Variants in RAB5C observed in about 807,000 individuals in gnomAD.
The protein encoded by RAB5C is RAB5C, member RAS oncogene family.
A neutral mutation model predicts 25.2 loss-of-function variants in RAB5C; 4 were observed. The ratio of observed to expected loss-of-function variants is 0.16; its 90% CI spans 0.08 to 0.36. The LOEUF (loss-of-function observed/expected upper bound fraction) is 0.36, where lower values mean the gene tolerates loss of function less well. RAB5C is among the 10% of genes least tolerant of loss of function. RAB5C has a pLI of 1.00. For missense variants in RAB5C, 199 were observed against 283.8 expected (o/e 0.70, Z 2.15); for synonymous variants, 100 against 106.4 (o/e 0.94, Z 0.37).
chr17:42,137,238 A>G (rs891719259), intron 1 of RAB5C, among the ~76,000 whole-genome samples: 5 of 151,846 alleles, frequency 3.3e-5, no homozygotes, highest in African/African-American at 1.2e-4. Context: ...CCCAGGAGAC[A>G]GAGGTTGTGG....
chr17:42,154,491 G>A lies in RAB5C; in HGVS notation c.-89+402C>T, dbSNP rs1454337600. On this transcript the variant is annotated intron_variant, in intron 1 of 5. Coordinates refer to ENST00000346213, the MANE Select transcript of RAB5C (RefSeq NM_004583.4). ...TCGAGATATTCCTCTAGGGCTAGAG[G>A]GGACAACTGGTTTTGTGGGACAGGA... is the stretch of plus-strand genomic sequence containing the variant. 3.3e-5 allele frequency: 5 copies of A among 152,266 alleles called. No homozygotes were observed. The East Asian group carries it at 5.8e-4, about 18-fold the overall frequency. The allele number at this position is 152,266 out of a possible 1,614,324, so 9.4% of individuals were successfully genotyped here.
Position 42,128,275 on chromosome 17 carries a change from C to T in RAB5C, c.427G>A (p.Ala143Thr). The stretch of plus-strand genomic sequence containing the variant: ...CATCTCCCCACCTGGAATTCCACGG[C>T]TCTCTTGCTGGCCAGGTCTGCCTTG... ...GNKADLASKR[A>T]VEFQEAQAYA... Residue 143 changes from alanine (A) to threonine (T), a missense_variant, in exon 4 of 6, where the codon GCC (alanine) becomes ACC (threonine). This residue lies in a region of RAB5C where 154 missense variants were observed against 199.6 expected (regional missense o/e 0.77). Transcript: ENST00000346213. The T allele has an allele frequency of 6.2e-7, 1 of 1,613,602 alleles. No homozygotes were observed.
intron 1 of RAB5C, among the ~76,000 whole-genome samples, chr17:42,145,117 G>A (rs1248156474): frequency 1.3e-5 from 2 of 151,908 alleles, no homozygotes; most frequent in Non-Finnish European, 2.9e-5. Flanking sequence ...AGCTTGCAGT[G>A]AGCCGAGATT....
intron 1 of RAB5C, among the ~76,000 whole-genome samples, chr17:42,145,949 G>A (rs141151446): frequency 1.6e-3 from 249 of 152,234 alleles, no homozygotes; most frequent in African/African-American, 5.8e-3. Flanking sequence ...TGAGATTACA[G>A]GTGCGTACCA....
chr17:42,126,800 A>T lies in RAB5C; in HGVS notation c.490T>A (p.Ser164Thr). ...DDNSLLFMET[S>T]AKTAMNVNEI... ...TTCACGTTCATTGCAGTCTTTGCTG[A>T]TGTCTCCATGAACAGCAAACTGTTG... is the stretch of plus-strand genomic sequence containing the variant. Residue 164 changes from serine (S) to threonine (T), a missense_variant, in exon 5 of 6, where the codon TCA (serine) becomes ACA (threonine). Coordinates refer to ENST00000346213, the MANE Select transcript of RAB5C (RefSeq NM_004583.4). 6.2e-7 allele frequency: 1 copy of T among 1,613,652 alleles called. No individual in the cohort carries two copies. Among genetic ancestry groups the T allele is most frequent in the Non-Finnish European group, 8.5e-7 (1 of 1,179,642 alleles).
chr17:42,130,775 C>T (rs999913996), intron 1 of RAB5C, among the ~76,000 whole-genome samples, 185 bp from the exon 2 acceptor site: 6 of 151,546 alleles, frequency 4.0e-5, no homozygotes, highest in Admixed American at 2.0e-4. Context: ...AGATGTCTAC[C>T]GGCTCTACCA....
chr17:42,141,046 C>G (rs901905218), intron 1 of RAB5C, among the ~76,000 whole-genome samples: 4 of 152,174 alleles, frequency 2.6e-5, no homozygotes, highest in Non-Finnish European at 1.5e-5. Context: ...CCAGGCTGAT[C>G]TCAGACTCCT....
At chr17:42,139,344 C>T (rs970496470) in intron 1 of RAB5C, among the ~76,000 whole-genome samples, 5 of 152,228 alleles carry the variant, frequency 3.3e-5, no homozygotes, top group Admixed American at 6.5e-5. Context: ...CAAGGCTCTC[C>T]GCCAGCCTAC....
At chr17:42,150,186 C>T (rs183745251) in intron 1 of RAB5C, among the ~76,000 whole-genome samples, 7 of 152,092 alleles carry the variant, frequency 4.6e-5, no homozygotes, top group Admixed American at 4.6e-4. Flanking sequence ...CACCTGGCCC[C>T]CAAGCTGGTC....
Position 42,124,994 on chromosome 17 carries a change from G to A in RAB5C, c.*789C>T, listed in dbSNP as rs981140307. On this transcript the variant is annotated 3_prime_UTR_variant, in exon 6 of 6. Transcript: ENST00000346213. The stretch of plus-strand genomic sequence containing the variant: ...AAGACAATTGTGAGGTCGATCGATC[G>A]GCTGACTATATTGACAAGATACTGA... 2.6e-5 allele frequency: 4 copies of A among 152,712 alleles called. No homozygotes were observed. The highest frequency in any genetic ancestry group is 7.2e-5 in the African/African-American group (3 of 41,422). The allele number at this position is 152,712 out of a possible 1,614,324, so 9.5% of individuals were successfully genotyped here. A position where few individuals can be genotyped will look rare whatever the true frequency, so the allele number is the denominator to read the frequency against.
rs765509707 is a variant in RAB5C at position 42,128,835 on chromosome 17, G to A, written c.167-35C>T. 66 of 1,426,360 alleles carry A rather than the reference G, an allele frequency of 4.6e-5. No individual in the cohort carries two copies. The South Asian group carries it at 9.3e-4, about 20-fold the overall frequency. 88.4% of individuals were successfully genotyped at this position (1,426,360 alleles called of 1,614,324 possible). A position where few individuals can be genotyped will look rare whatever the true frequency, so the allele number is the denominator to read the frequency against. On this transcript the variant is annotated intron_variant, in intron 2 of 5. Coordinates refer to ENST00000346213, the MANE Select transcript of RAB5C (RefSeq NM_004583.4). ...AGAAGGAGCGTCCATGGGCAAGAGCGAGTTGGAATCCACCCCACACAATCC... is the reference window on the plus strand; with the variant it reads ...AGAAGGAGCGTCCATGGGCAAGAGCAAGTTGGAATCCACCCCACACAATCC...
chr17:42,147,717 C>A (rs956507582), intron 1 of RAB5C, among the ~76,000 whole-genome samples: 4 of 152,186 alleles, frequency 2.6e-5, no homozygotes, highest in Non-Finnish European at 5.9e-5. Flanking sequence ...ATGGCTCAAG[C>A]TGTGGGATCA....
intron 3 of RAB5C, 83 bp downstream of exon 3, chr17:42,128,566 C>A: frequency 9.7e-7 from 1 of 1,032,904 alleles, no homozygotes; most frequent in Non-Finnish European, 1.3e-6. Flanking sequence ...GGTTAAGCGG[C>A]CTGAAATCAG....
intron 1 of RAB5C, among the ~76,000 whole-genome samples, chr17:42,143,076 G>A (rs1050949477): frequency 6.6e-6 from 1 of 152,212 alleles, no homozygotes; most frequent in Non-Finnish European, 1.5e-5. Flanking sequence ...AGGGGTAAGA[G>A]CAGTATGAAT....
intron 1 of RAB5C, among the ~76,000 whole-genome samples, chr17:42,147,118 AAG>A (rs1327447995): frequency 6.7e-6 from 1 of 150,132 alleles, no homozygotes; most frequent in African/African-American, 2.5e-5. Flanking sequence ...GAAAGAAAGA[AAG>A]AAACAGAAAG....
rs1040521454 is a variant in RAB5C, at chr17:42,128,144, A to G, written c.441+117T>C. The G allele has an allele frequency of 3.5e-6, 5 of 1,421,606 alleles. No homozygotes were observed. In the South Asian group the frequency reaches 5.5e-5, roughly 16 times the overall value. 88.1% of individuals were successfully genotyped at this position (1,421,606 alleles called of 1,614,324 possible). A position where few individuals can be genotyped will look rare whatever the true frequency, so the allele number is the denominator to read the frequency against. On this transcript the variant is annotated intron_variant, in intron 4 of 5. Coordinates refer to ENST00000346213, the MANE Select transcript of RAB5C (RefSeq NM_004583.4). ...TGCCTGAGGCACGAGAGGACAGCAG[A>G]TGGAAGCTTCCCTGTTGCCTCCTAG...
At chr17:42,139,901 G>A (rs1003898344) in intron 1 of RAB5C, among the ~76,000 whole-genome samples, 1 of 152,198 alleles carries the variant, frequency 6.6e-6, no homozygotes, top group African/African-American at 2.4e-5. Context: ...CAGGATGCTA[G>A]GAAGAGTGCC....
intron 1 of RAB5C, among the ~76,000 whole-genome samples, chr17:42,141,750 G>A (rs1034998648): frequency 2.0e-5 from 3 of 152,156 alleles, no homozygotes; most frequent in African/African-American, 7.2e-5. Flanking sequence ...AAAATGGAGA[G>A]ACCAGTACCA....
At chr17:42,132,343 T>C (rs1244418750) in intron 1 of RAB5C, among the ~76,000 whole-genome samples, 1 of 152,172 alleles carries the variant, frequency 6.6e-6, no homozygotes, top group Admixed American at 6.5e-5. Flanking sequence ...TACGGGGTGG[T>C]GGGTCTCAAT....
Sources: gnomAD v4.1 joint callset for allele counts (sites outside exome capture counted in the v4.1 genomes callset) on GRCh38, gnomAD v4.1.1 for gene constraint, gnomAD v4.1.1 regional missense constraint, MANE v1.5 for transcripts, NCBI Gene and HGNC (gene_info 2026-07-23, HGNC 2026-07-21) for gene names.